The following NRF1 variants were observed in gnomAD, a reference collection of about 807,000 sequenced individuals.
The protein encoded by NRF1 is nuclear respiratory factor 1.
A neutral mutation model predicts 58.5 loss-of-function variants in NRF1; 5 were observed. The ratio of observed to expected loss-of-function variants is 0.09; its 90% CI spans 0.04 to 0.18. The LOEUF is 0.18. Ranked by LOEUF, NRF1 falls within the 10% of genes least tolerant of loss-of-function variation. The pLI is 1.00. For synonymous variants in NRF1, 224 were observed against 246.7 expected, an observed-to-expected ratio of 0.91 and a Z score of 0.86; for missense variants, 288 against 657.7, an observed-to-expected ratio of 0.44 and a Z score of 6.15.
At chr7:129,626,004 G>C (rs548967548) in intron 1 of NRF1, among the ~76,000 whole-genome samples, 2 of 152,124 alleles carry the variant, frequency 1.3e-5, no homozygotes, top group East Asian at 3.9e-4. Context: ...TTTTGTTTTA[G>C]AGACAGGGTC....
chr7:129,727,268 C>G lies in NRF1; in HGVS notation c.1251C>G (p.Thr417=). 6.2e-7 allele frequency: 1 copy of G among 1,603,018 alleles called. No homozygotes were observed. The highest frequency in any genetic ancestry group is 8.5e-7 in the Non-Finnish European group (1 of 1,176,934). Residue 417 remains threonine (T), a synonymous_variant, in exon 10 of 11, where the codon ACC becomes ACG. Transcript: ENST00000393232. ...AAGCTGCCGCCCATGCTGTCGCCAC[C>G]CTGGCTGAGGCCACCTTACAAGGTG... ...NSEAAAHAVA[T]LAEATLQGGG...
rs544829197 is a variant in NRF1, at chr7:129,678,539, G to A, written c.465+781G>A. On this transcript the variant is annotated intron_variant, in intron 4 of 10. Coordinates refer to ENST00000393232, the MANE Select transcript of NRF1 (RefSeq NM_005011.5). Reference sequence around the variant, plus strand: ...CACACCATCTTCCTGTCCCTGAAATGTTGTGGGTATTTCTTAACATTTTTG... The same window carrying A: ...CACACCATCTTCCTGTCCCTGAAATATTGTGGGTATTTCTTAACATTTTTG... Among the ~76,000 whole-genome samples, 4 of 152,208 alleles carry A rather than the reference G, an allele frequency of 2.6e-5. No homozygotes were observed. The South Asian group carries it at 6.2e-4, about 24-fold the overall frequency.
At chr7:129,717,100 C>T in intron 8 of NRF1, 119 bp from the exon 9 acceptor site, 1 of 930,296 alleles carries the variant, frequency 1.1e-6, no homozygotes, top group Non-Finnish European at 1.6e-6. Context: ...TATTGCAGGT[C>T]ATGTTAATTT....
chr7:129,721,518 G>A (rs1326880215), intron 9 of NRF1, among the ~76,000 whole-genome samples: 1 of 140,492 alleles, frequency 7.1e-6, no homozygotes, highest in Admixed American at 7.4e-5. Flanking sequence ...GTCTTGCTCT[G>A]TCACCCAGGC....
intron 10 of NRF1, among the ~76,000 whole-genome samples, chr7:129,747,102 G>C (rs1379824244): frequency 6.6e-6 from 1 of 152,198 alleles, no homozygotes; most frequent in Non-Finnish European, 1.5e-5. Flanking sequence ...CCTGTGCTCT[G>C]CCTGGCTCAA....
chr7:129,729,767 C>CT (rs1157757342), intron 10 of NRF1, among the ~76,000 whole-genome samples: 1 of 152,166 alleles, frequency 6.6e-6, no homozygotes. Flanking sequence ...TCTGGCTAGA[C>CT]TTTTAGAGGT....
At chr7:129,739,541 T>TAA (rs56277880) in intron 10 of NRF1, among the ~76,000 whole-genome samples, 14 of 145,024 alleles carry the variant, frequency 9.7e-5, no homozygotes, top group South Asian at 2.2e-4. Flanking sequence ...GCTTTGCTTT[T>TAA]AAAAAAAAAA....
intron 1 of NRF1, among the ~76,000 whole-genome samples, chr7:129,628,660 AAG>A (rs1800976604): frequency 6.6e-6 from 1 of 152,190 alleles, no homozygotes; most frequent in Non-Finnish European, 1.5e-5. Flanking sequence ...AAAGTATAAA[AAG>A]AAGATCTGGT....
At chr7:129,694,058 A>T (rs965071566) in intron 5 of NRF1, among the ~76,000 whole-genome samples, 8 of 152,232 alleles carry the variant, frequency 5.3e-5, no homozygotes, top group Non-Finnish European at 1.2e-4. Flanking sequence ...GTGCTGGTGA[A>T]TGAGGAGCTG....
At chr7:129,684,193 G>A (rs1156980256) in intron 4 of NRF1, among the ~76,000 whole-genome samples, 2 of 152,108 alleles carry the variant, frequency 1.3e-5, no homozygotes, top group Non-Finnish European at 2.9e-5. Context: ...AGCGAACAGG[G>A]AAAAGTAGAC....
At chr7:129,658,429 C>CA (rs966811388) in intron 2 of NRF1, among the ~76,000 whole-genome samples, 7 of 150,288 alleles carry the variant, frequency 4.7e-5, no homozygotes, top group South Asian at 2.1e-4. Flanking sequence ...CCATCTCTAC[C>CA]AAAAAAAAAT....
At position 129,673,394 on chromosome 7, in the gene NRF1, A is replaced by G. The variant is rs558710685; in HGVS notation, c.338+1851A>G. Among the ~76,000 whole-genome samples the G allele has an allele frequency of 3.3e-4, 50 of 152,318 alleles. No homozygotes were observed. In the South Asian group the frequency reaches 9.7e-3, roughly 30 times the overall value. ...CATCTCCCATGATTTCAGAGGGAAG[A>G]GGCAGTGTTTCTGTTTCATCCATTG... On this transcript the variant is annotated intron_variant, in intron 3 of 10. Coordinates refer to ENST00000393232, the MANE Select transcript of NRF1 (RefSeq NM_005011.5).
At chr7:129,708,281 C>G (rs1007422338) in intron 5 of NRF1, among the ~76,000 whole-genome samples, 2 of 152,210 alleles carry the variant, frequency 1.3e-5, no homozygotes, top group Admixed American at 1.3e-4. Context: ...AGACCCTCCC[C>G]CAACACACAC....
intron 5 of NRF1, among the ~76,000 whole-genome samples, chr7:129,699,955 T>A (rs1483872590): frequency 4.3e-5 from 6 of 140,748 alleles, no homozygotes; most frequent in Non-Finnish European, 7.6e-5. Flanking sequence ...CTGACCAACA[T>A]AGTGAAACCC....
intron 10 of NRF1, among the ~76,000 whole-genome samples, chr7:129,743,579 A>T (rs544361797): frequency 1.3e-5 from 2 of 152,338 alleles, no homozygotes; most frequent in East Asian, 3.9e-4. Context: ...TCAAATTTAG[A>T]CAGTGTCTTT....
At chr7:129,710,675 C>A in intron 7 of NRF1, 104 bp downstream of exon 7, 1 of 686,662 alleles carries the variant, frequency 1.5e-6, no homozygotes, top group African/African-American at 1.8e-5. Flanking sequence ...CTTGTATGAA[C>A]TTTATATAGC....
chr7:129,711,613 T>G (rs775183037), intron 8 of NRF1, 37 bp downstream of exon 8: 2 of 1,506,890 alleles, frequency 1.3e-6, no homozygotes, highest in South Asian at 2.3e-5. Flanking sequence ...TCTTAAATAC[T>G]TGAATGTATA....
At chr7:129,690,967 A>G (rs1282308019) in intron 5 of NRF1, among the ~76,000 whole-genome samples, 1 of 152,160 alleles carries the variant, frequency 6.6e-6, no homozygotes, top group Admixed American at 6.5e-5. Flanking sequence ...ATTATTACTA[A>G]GTACAGCTTC....
chr7:129,733,152 A>G (rs921803414), intron 10 of NRF1, among the ~76,000 whole-genome samples: 3 of 152,318 alleles, frequency 2.0e-5, no homozygotes, highest in Admixed American at 6.5e-5. Context: ...TGAACTTTAT[A>G]CTGATTTTAA....
Sources: allele counts gnomAD v4.1 joint callset (sites outside exome capture counted in the v4.1 genomes callset), GRCh38; gene constraint gnomAD v4.1.1; transcripts MANE v1.5; gene names NCBI Gene and HGNC (gene_info 2026-07-23, HGNC 2026-07-21).